The following RPTOR variants were observed in gnomAD, a reference collection of about 807,000 sequenced individuals.
RPTOR encodes the protein regulatory associated protein of MTOR complex 1.
In RPTOR, 21 loss-of-function variants were observed where a neutral mutation model predicts 169.9. That is an observed-to-expected ratio of 0.12 (90% CI 0.09 to 0.18). The LOEUF is 0.18. Among genes scored for constraint, RPTOR ranks in the 10% least tolerant of loss-of-function variants. The pLI, the probability that RPTOR is intolerant of heterozygous loss-of-function variation, is 1.00. For missense variants in RPTOR, 1,133 were observed against 1,855.9 expected (o/e 0.61, Z 7.16); for synonymous variants, 732 against 753.2 (o/e 0.97, Z 0.46).
chr17:80,849,693 T>C (rs1445828476), intron 11 of RPTOR, among the ~76,000 whole-genome samples: 1 of 152,190 alleles, frequency 6.6e-6, no homozygotes, highest in Admixed American at 6.5e-5. Flanking sequence ...TAATTTTTTG[T>C]ATTTTTAGTA....
intron 1 of RPTOR, among the ~76,000 whole-genome samples, chr17:80,547,032 G>C (rs2084285101): frequency 6.6e-6 from 1 of 151,734 alleles, no homozygotes; most frequent in Admixed American, 6.6e-5. Context: ...TCGCACCATT[G>C]CACTCCAGCC....
At chr17:80,718,207 A>T (rs746800932) in intron 4 of RPTOR, among the ~76,000 whole-genome samples, 27 of 152,092 alleles carry the variant, frequency 1.8e-4, no homozygotes, top group Non-Finnish European at 3.4e-4. Flanking sequence ...ACTGAACATA[A>T]AGTTGGAGTT....
In RPTOR at chr17:80,908,685, C is replaced by G. The variant is rs563683142; in HGVS notation, c.2402-126C>G. On this transcript the variant is annotated intron_variant, in intron 20 of 33. Coordinates refer to ENST00000306801, the MANE Select transcript of RPTOR (RefSeq NM_020761.3). ...GCCAGAATAACAAAATGGGGGCTTC[C>G]TGTAACCTCGGCTCTTTAAAGCAAC... is the stretch of plus-strand genomic sequence containing the variant. The G allele has an allele frequency of 2.7e-4, 190 of 691,272 alleles. 3 individuals are homozygous for G. The South Asian group carries it at 3.2e-3, about 12-fold the overall frequency. 42.8% of individuals were successfully genotyped at this position (691,272 alleles called of 1,614,324 possible).
At chr17:80,602,813 G>A (rs143191238) in intron 1 of RPTOR, 17 of 676,130 alleles carry the variant, frequency 2.5e-5, no homozygotes, top group Non-Finnish European at 4.7e-5. Flanking sequence ...CACGCTTCAT[G>A]AAGCCCACTC....
chr17:80,937,156 G>A (rs537995203), intron 24 of RPTOR, among the ~76,000 whole-genome samples: 15 of 152,138 alleles, frequency 9.9e-5, no homozygotes, highest in East Asian at 1.9e-4. Context: ...GGAGCTAAGC[G>A]GGTGGAGAGG....
At chr17:80,643,876 A>G (rs2065572143) in intron 3 of RPTOR, 66 bp downstream of exon 3, 3 of 1,261,760 alleles carry the variant, frequency 2.4e-6, no homozygotes, top group East Asian at 2.3e-5. Flanking sequence ...TTGGTTTCCA[A>G]CACTCTTTGG....
At chr17:80,665,847 A>C (rs9903723) in intron 3 of RPTOR, among the ~76,000 whole-genome samples, 4,764 of 152,144 alleles carry the variant, frequency 0.031, 252 homozygotes, top group African/African-American at 0.11. Flanking sequence ...CCGGCCCCCC[A>C]AAAATTTTTC....
At chr17:80,854,440 C>T (rs909064022) in intron 11 of RPTOR, among the ~76,000 whole-genome samples, 2 of 152,186 alleles carry the variant, frequency 1.3e-5, no homozygotes, top group Non-Finnish European at 2.9e-5. Flanking sequence ...ACGTGCGTGC[C>T]GTCGAGAGTG....
At chr17:80,760,301 TTTTTTC>T (rs1385836543) in intron 6 of RPTOR, among the ~76,000 whole-genome samples, 5 of 14,978 alleles carry the variant, frequency 3.3e-4, no homozygotes, top group Admixed American at 1.4e-3. Flanking sequence ...TTCTTTTTTC[TTTTTTC>T]TTTTTTTTTT....
chr17:80,680,709 G>A (rs1021295060), intron 3 of RPTOR, among the ~76,000 whole-genome samples: 1 of 151,994 alleles, frequency 6.6e-6, no homozygotes, highest in Admixed American at 6.6e-5. Flanking sequence ...TAAATTGTTA[G>A]ATCAGCCAAT....
chr17:80,927,642 G>A (rs969057890), intron 24 of RPTOR, among the ~76,000 whole-genome samples: 1 of 150,914 alleles, frequency 6.6e-6, no homozygotes, highest in Non-Finnish European at 1.5e-5. Context: ...GTCTCTATGT[G>A]TGTGTGTGTA....
chr17:80,763,237 C>T (rs1342132857), intron 6 of RPTOR, among the ~76,000 whole-genome samples: 2 of 151,764 alleles, frequency 1.3e-5, no homozygotes, highest in East Asian at 3.9e-4. Context: ...CAGGGTAAGA[C>T]CCAGTCTCTA....
At chr17:80,572,707 A>G (rs867721808) in intron 1 of RPTOR, among the ~76,000 whole-genome samples, 8 of 152,206 alleles carry the variant, frequency 5.3e-5, no homozygotes, top group Admixed American at 6.5e-5. Context: ...CCTGGGTGAC[A>G]GAGTGAGACC....
intron 5 of RPTOR, among the ~76,000 whole-genome samples, chr17:80,747,563 C>T (rs999685323): frequency 5.9e-5 from 9 of 152,212 alleles, no homozygotes; most frequent in Non-Finnish European, 1.0e-4. Context: ...TCTACCTGTC[C>T]GACTGCTCCC....
chr17:80,606,332 A>C (rs2065229113), intron 1 of RPTOR, among the ~76,000 whole-genome samples: 1 of 128,046 alleles, frequency 7.8e-6, no homozygotes, highest in African/African-American at 3.0e-5. Flanking sequence ...TTTTTTTGAG[A>C]CAGGGCTTTC....
chr17:80,863,236 G>A (rs1337994922), intron 13 of RPTOR, among the ~76,000 whole-genome samples: 2 of 152,146 alleles, frequency 1.3e-5, no homozygotes, highest in African/African-American at 2.4e-5. Context: ...CACCAAGGGG[G>A]GCACATGAAG....
chr17:80,833,719 A>C (rs902707171), intron 9 of RPTOR, among the ~76,000 whole-genome samples: 6 of 152,196 alleles, frequency 3.9e-5, no homozygotes, highest in Non-Finnish European at 7.3e-5. Flanking sequence ...GCCGGGTGCA[A>C]TGGCTCACGC....
rs1027836294 is a variant in RPTOR, at chr17:80,695,172, C to T, written c.349-12669C>T. On this transcript the variant is annotated intron_variant, in intron 3 of 33. Transcript: ENST00000306801. This position sits in a 1 kb window ranked among gnomAD's most constrained non-coding sequence, Gnocchi z 4.9. ...CCACTGCATGGTGGTAAGAGTGAGGCGGGTAGAATGCATGTGCCCAAGACA... is the reference window on the plus strand; with the variant it reads ...CCACTGCATGGTGGTAAGAGTGAGGTGGGTAGAATGCATGTGCCCAAGACA... Among the ~76,000 whole-genome samples the T allele has an allele frequency of 6.6e-6, 1 of 152,096 alleles. No individual in the cohort carries two copies. The highest frequency in any genetic ancestry group is 1.5e-5 in the Non-Finnish European group (1 of 68,010).
At chr17:80,779,807 G>T (rs2066923120) in intron 6 of RPTOR, among the ~76,000 whole-genome samples, 1 of 152,194 alleles carries the variant, frequency 6.6e-6, no homozygotes, top group South Asian at 2.1e-4. Context: ...TTTCAAGCAT[G>T]TTGAACAACG....
Sources: allele counts gnomAD v4.1 joint callset (sites outside exome capture counted in the v4.1 genomes callset), GRCh38; gene constraint gnomAD v4.1.1; non-coding constraint Gnocchi (gnomAD v3.1); transcripts MANE v1.5; gene names NCBI Gene and HGNC (gene_info 2026-07-23, HGNC 2026-07-21).